NR3C2: variants seen among roughly 807,000 people sequenced by gnomAD.
NR3C2 encodes the protein mineralocorticoid receptor.
Under a neutral mutation model 86.4 loss-of-function variants are expected in NR3C2, and 15 were observed. The ratio of observed to expected loss-of-function variants is 0.17; its 90% CI spans 0.12 to 0.27. The LOEUF (loss-of-function observed/expected upper bound fraction) is 0.27. NR3C2 is among the 10% of genes least tolerant of loss of function. NR3C2 has a pLI of 1.00. For missense variants in NR3C2, 960 were observed against 1,195.6 expected (o/e 0.80, Z 2.91); for synonymous variants, 458 against 450.5 (o/e 1.02, Z -0.21).
intron 2 of NR3C2, among the ~76,000 whole-genome samples, chr4:148,341,204 A>C (rs748486941): frequency 6.6e-6 from 1 of 152,184 alleles, no homozygotes. Context: ...CGTGATACGT[A>C]ATCAATCTAA....
chr4:148,139,029 C>T (rs971337294), intron 6 of NR3C2, among the ~76,000 whole-genome samples: 2 of 152,228 alleles, frequency 1.3e-5, no homozygotes, highest in Non-Finnish European at 2.9e-5. Context: ...TGATCTTAGG[C>T]TTCTCAGCCT....
intron 2 of NR3C2, among the ~76,000 whole-genome samples, chr4:148,401,012 A>G (rs1383843454): frequency 6.6e-6 from 1 of 152,200 alleles, no homozygotes; most frequent in African/African-American, 2.4e-5. Context: ...TTACTGAGCT[A>G]CTAATAACAA....
intron 5 of NR3C2, 139 bp from the exon 6 acceptor site, chr4:148,152,752 T>C: frequency 1.2e-6 from 1 of 812,458 alleles, no homozygotes; most frequent in South Asian, 1.6e-5. Flanking sequence ...AATTCAACAG[T>C]CATTTACAGA....
At chr4:148,175,443 G>A (rs996994313) in intron 4 of NR3C2, among the ~76,000 whole-genome samples, 2 of 152,128 alleles carry the variant, frequency 1.3e-5, no homozygotes, top group African/African-American at 4.8e-5. Context: ...TGTTCAACAG[G>A]ATGGCTTACT....
intron 3 of NR3C2, among the ~76,000 whole-genome samples, chr4:148,206,882 A>T (rs973195020): frequency 7.9e-5 from 12 of 152,124 alleles, no homozygotes; most frequent in Non-Finnish European, 1.8e-4. Context: ...GTTCCAGGTT[A>T]CTGGGTTAGG....
At chr4:148,238,526 CA>C (rs1187798012) in intron 3 of NR3C2, among the ~76,000 whole-genome samples, 2 of 152,046 alleles carry the variant, frequency 1.3e-5, no homozygotes, top group African/African-American at 4.8e-5. Flanking sequence ...AATTACAGTG[CA>C]CCACAGAGAC....
chr4:148,091,825 A>G (rs1166700243), intron 8 of NR3C2, among the ~76,000 whole-genome samples: 1 of 152,174 alleles, frequency 6.6e-6, no homozygotes, highest in East Asian at 1.9e-4. Flanking sequence ...GGCAGGCTGA[A>G]CTCACACCCT....
chr4:148,146,285 G>A (rs1733864826), intron 6 of NR3C2, among the ~76,000 whole-genome samples: 1 of 152,124 alleles, frequency 6.6e-6, no homozygotes, highest in African/African-American at 2.4e-5. Context: ...CACTCCCTGT[G>A]GGAAGGGACA....
At chr4:148,365,883 C>A (rs1746089766) in intron 2 of NR3C2, among the ~76,000 whole-genome samples, 1 of 152,070 alleles carries the variant, frequency 6.6e-6, no homozygotes, top group South Asian at 2.1e-4. Flanking sequence ...AGGCACTGAC[C>A]CCACTAAGAC....
chr4:148,332,388 G>C (rs1464949304), intron 2 of NR3C2, among the ~76,000 whole-genome samples: 2 of 151,878 alleles, frequency 1.3e-5, no homozygotes, highest in African/African-American at 4.8e-5. Context: ...AAACCATTAT[G>C]ATATAACCTT....
Position 148,338,399 on chromosome 4 carries a change from C to CA in NR3C2, c.1758-78283dup, listed in dbSNP as rs543633740. ...ATGGGATTTTTAAAAATGTTATTTC[C>CA]AAAAAAGGAAAAGTACATAATGGTT... On this transcript the variant is annotated intron_variant, in intron 2 of 8. Transcript: ENST00000358102. 1.4e-4 allele frequency among the ~76,000 whole-genome samples: 21 copies of CA among 151,662 alleles called. No homozygotes were observed. The South Asian group carries it at 2.9e-3, about 21-fold the overall frequency.
chr4:148,193,602 T>TTA (rs1054994723), intron 4 of NR3C2, among the ~76,000 whole-genome samples: 14 of 152,264 alleles, frequency 9.2e-5, no homozygotes, highest in South Asian at 2.1e-4. Context: ...GAATGCTATG[T>TTA]TATATATATA....
intron 2 of NR3C2, among the ~76,000 whole-genome samples, chr4:148,370,984 G>A (rs575140335): frequency 2.7e-4 from 41 of 152,080 alleles, no homozygotes; most frequent in African/African-American, 9.6e-4. Flanking sequence ...CTCCTGCCTT[G>A]GCCTCCCAAG....
At chr4:148,132,267 T>A (rs1363140726) in intron 6 of NR3C2, among the ~76,000 whole-genome samples, 4 of 152,152 alleles carry the variant, frequency 2.6e-5, no homozygotes, top group Non-Finnish European at 2.9e-5. Flanking sequence ...AACTGTGAAT[T>A]TCCCCAGGCA....
intron 2 of NR3C2, among the ~76,000 whole-genome samples, chr4:148,381,957 A>G (rs1747014745): frequency 6.6e-6 from 1 of 152,138 alleles, no homozygotes; most frequent in Non-Finnish European, 1.5e-5. Context: ...ACTGTCATTT[A>G]CCTAGATCCA....
chr4:148,418,881 C>A (rs528058259), intron 2 of NR3C2, among the ~76,000 whole-genome samples: 1 of 152,224 alleles, frequency 6.6e-6, no homozygotes, highest in Admixed American at 6.5e-5. Context: ...GGAAGTATGA[C>A]CTAAAAGCTG....
chr4:148,153,776 T>C (rs1459002211), intron 5 of NR3C2, among the ~76,000 whole-genome samples: 1 of 152,124 alleles, frequency 6.6e-6, no homozygotes, highest in Non-Finnish European at 1.5e-5. Flanking sequence ...TAAAGGGTGC[T>C]GGGGGCCAGG....
In NR3C2 at chr4:148,152,461, G is replaced by A; in HGVS notation, c.2510+8C>T. 6.2e-7 allele frequency: 1 copy of A among 1,613,004 alleles called. No homozygotes were observed. The highest frequency in any genetic ancestry group is 8.5e-7 in the Non-Finnish European group (1 of 1,179,252). On this transcript the variant is annotated splice_region_variant and intron_variant, in intron 6 of 8. Coordinates refer to ENST00000358102, the MANE Select transcript of NR3C2 (RefSeq NM_000901.5). Reference sequence around the variant, plus strand: ...TTATTTTATGAAGGCTAATTAATAGGTACTTACTCATTAAAGACTAGGTCT... The same window carrying A: ...TTATTTTATGAAGGCTAATTAATAGATACTTACTCATTAAAGACTAGGTCT...
At chr4:148,310,744 G>A (rs1742864135) in intron 2 of NR3C2, among the ~76,000 whole-genome samples, 1 of 152,142 alleles carries the variant, frequency 6.6e-6, no homozygotes, top group South Asian at 2.1e-4. Context: ...CAGCATATGA[G>A]CATGCCATGA....
Sources: gnomAD v4.1 joint callset for allele counts (sites outside exome capture counted in the v4.1 genomes callset) on GRCh38, gnomAD v4.1.1 for gene constraint, MANE v1.5 for transcripts, NCBI Gene and HGNC (gene_info 2026-07-23, HGNC 2026-07-21) for gene names.